The following SULF2 variants were observed in gnomAD, a reference collection of about 807,000 sequenced individuals.
The protein encoded by SULF2 is sulfatase 2.
Under a neutral mutation model 107.7 loss-of-function variants are expected in SULF2, and 52 were observed. The observed-to-expected ratio is 0.48, with a 90% CI of 0.39 to 0.61. SULF2 has a LOEUF of 0.61. Among genes scored for constraint, SULF2 ranks in the 20% least tolerant of loss-of-function variants. The probability of loss-of-function intolerance (pLI) is 0.00; values close to 1 mark genes in which losing one functional copy is unlikely to be tolerated. For synonymous variants in SULF2, 460 were observed against 464.3 expected (o/e 0.99, Z 0.12); for missense variants, 993 against 1,177.3 (o/e 0.84, Z 2.29).
chr20:47,703,654 T>A (rs1009077655), intron 3 of SULF2, among the ~76,000 whole-genome samples: 2 of 152,218 alleles, frequency 1.3e-5, no homozygotes, highest in Non-Finnish European at 2.9e-5. Context: ...ACAATTTAAA[T>A]CTTGGGTATT....
chr20:47,753,186 C>A (rs1379285900), intron 2 of SULF2, among the ~76,000 whole-genome samples: 3 of 151,788 alleles, frequency 2.0e-5, no homozygotes, highest in Non-Finnish European at 4.4e-5. Context: ...ATCCGACAAT[C>A]TGAGGGGCCT....
intron 1 of SULF2, among the ~76,000 whole-genome samples, chr20:47,762,928 G>C (rs1254613065): frequency 6.6e-6 from 1 of 152,214 alleles, no homozygotes; most frequent in Non-Finnish European, 1.5e-5. Flanking sequence ...GTCATCAGTG[G>C]GTCGATTTCT....
intron 1 of SULF2, among the ~76,000 whole-genome samples, chr20:47,759,554 T>C (rs2090371641): frequency 6.6e-6 from 1 of 152,168 alleles, no homozygotes; most frequent in Non-Finnish European, 1.5e-5. Context: ...TAGCTGGGCA[T>C]GGTGGCACAT....
At chr20:47,777,790 T>G (rs1431778746) in intron 1 of SULF2, among the ~76,000 whole-genome samples, 2 of 152,164 alleles carry the variant, frequency 1.3e-5, no homozygotes, top group Non-Finnish European at 2.9e-5. Flanking sequence ...TCAGATGGTC[T>G]GATTTTCACC....
intron 7 of SULF2, among the ~76,000 whole-genome samples, chr20:47,679,120 C>G (rs1276401493): frequency 6.6e-6 from 1 of 151,826 alleles, no homozygotes; most frequent in African/African-American, 2.4e-5. Flanking sequence ...TACAGCCAGC[C>G]CAAATCCTGG....
chr20:47,707,638 C>G (rs1326188625), intron 3 of SULF2, among the ~76,000 whole-genome samples: 2 of 152,158 alleles, frequency 1.3e-5, no homozygotes, highest in African/African-American at 4.8e-5. Flanking sequence ...ACCCCCCCAG[C>G]ACTCAATTCC....
intron 2 of SULF2, among the ~76,000 whole-genome samples, chr20:47,748,809 TA>T (rs1015263357): frequency 2.0e-5 from 3 of 152,168 alleles, no homozygotes; most frequent in African/African-American, 7.2e-5. Flanking sequence ...TGGGTTCCAG[TA>T]ACCTCTTGTC....
chr20:47,776,726 C>T (rs1300187852), intron 1 of SULF2, among the ~76,000 whole-genome samples: 1 of 152,162 alleles, frequency 6.6e-6, no homozygotes, highest in East Asian at 1.9e-4. Context: ...TCTGCAAGGC[C>T]GTGAGGTCCC....
chr20:47,703,730 A>G (rs1568836347), intron 3 of SULF2, among the ~76,000 whole-genome samples: 1 of 152,252 alleles, frequency 6.6e-6, no homozygotes, highest in Non-Finnish European at 1.5e-5. Context: ...GCACATTTGT[A>G]ATAGTAAATA....
chr20:47,689,956 T>C, intron 5 of SULF2, 170 bp downstream of exon 5: 1 of 626,450 alleles, frequency 1.6e-6, no homozygotes, highest in Non-Finnish European at 2.3e-6. Flanking sequence ...CTGTCTGGAG[T>C]TGCATCCCAG....
chr20:47,721,405 G>A (rs1438110288), intron 3 of SULF2, among the ~76,000 whole-genome samples: 1 of 149,726 alleles, frequency 6.7e-6, no homozygotes, highest in Admixed American at 6.6e-5. Context: ...AATTTCACTC[G>A]TTACCCAGAC....
At chr20:47,763,037 T>G (rs925006330) in intron 1 of SULF2, among the ~76,000 whole-genome samples, 1 of 151,462 alleles carries the variant, frequency 6.6e-6, no homozygotes, top group Non-Finnish European at 1.5e-5. Context: ...TTCTGCCTTG[T>G]TTTTTTTCCT....
Position 47,702,507 on chromosome 20 carries a change from G to A in SULF2, c.567+12C>T. 2 of 1,610,486 alleles carry A rather than the reference G, an allele frequency of 1.2e-6. No homozygotes were observed. The highest frequency in any genetic ancestry group is 1.7e-6 in the Non-Finnish European group (2 of 1,178,954). On this transcript the variant is annotated intron_variant, in intron 4 of 20. Coordinates refer to ENST00000688720, the MANE Select transcript of SULF2 (RefSeq NM_001387048.1). ...ACACAGCCACTCCCAGGCTGGAAAG[G>A]TTGCAGCTTACCTTGGAGTAGTCGG...
At chr20:47,722,617 C>A (rs1238384275) in intron 3 of SULF2, among the ~76,000 whole-genome samples, 1 of 151,892 alleles carries the variant, frequency 6.6e-6, no homozygotes, top group Non-Finnish European at 1.5e-5. Flanking sequence ...TTTGGATGGG[C>A]AGCAAACAAA....
intron 1 of SULF2, among the ~76,000 whole-genome samples, chr20:47,777,348 A>G (rs570190889): frequency 2.5e-4 from 38 of 152,226 alleles, no homozygotes; most frequent in Non-Finnish European, 5.0e-4. Flanking sequence ...TTACTCTCTG[A>G]TTAAAAGAGA....
In SULF2 at chr20:47,684,421, G is replaced by C. The variant is rs756036273; in HGVS notation, c.888+10C>G. The C allele has an allele frequency of 1.2e-5, 19 of 1,602,964 alleles. No homozygotes were observed. Among genetic ancestry groups the C allele is most frequent in the Non-Finnish European group, 1.5e-5 (18 of 1,174,304 alleles). ...CCACGCCCACCAAGAGGCATGCAGC[G>C]GGCGCCTACCGTCTCCATGGAGTCG... On this transcript the variant is annotated intron_variant, in intron 6 of 20. Coordinates refer to ENST00000688720, the MANE Select transcript of SULF2 (RefSeq NM_001387048.1).
chr20:47,743,477 T>G (rs953840784), intron 2 of SULF2, among the ~76,000 whole-genome samples: 5 of 152,108 alleles, frequency 3.3e-5, no homozygotes, highest in Non-Finnish European at 7.4e-5. Context: ...ACTCAGCTAA[T>G]TTTTGTATTT....
At chr20:47,705,939 C>T (rs772896492) in intron 3 of SULF2, among the ~76,000 whole-genome samples, 31 of 151,810 alleles carry the variant, frequency 2.0e-4, no homozygotes, top group Non-Finnish European at 4.0e-4. Flanking sequence ...GCTGGGACTA[C>T]AAGCGTGCAC....
chr20:47,720,599 A>T (rs957488942), intron 3 of SULF2, among the ~76,000 whole-genome samples: 2 of 150,532 alleles, frequency 1.3e-5, no homozygotes, highest in African/African-American at 4.9e-5. Flanking sequence ...ATTTTTGGTT[A>T]AATTTCCAGA....
Sources: gnomAD v4.1 joint callset for allele counts (sites outside exome capture counted in the v4.1 genomes callset) on GRCh38, gnomAD v4.1.1 for gene constraint, MANE v1.5 for transcripts, NCBI Gene and HGNC (gene_info 2026-07-23, HGNC 2026-07-21) for gene names.